UBE2W: variants seen among roughly 807,000 people sequenced by gnomAD.
UBE2W encodes the protein ubiquitin conjugating enzyme E2 W, also known as ubiquitin-conjugating enzyme E2 W.
UBE2W carries 18 observed loss-of-function variants against 27.2 expected under a neutral mutation model. The ratio of observed to expected loss-of-function variants is 0.66; its 90% CI spans 0.46 to 0.98. The LOEUF (loss-of-function observed/expected upper bound fraction) is 0.98. Ranked by LOEUF, UBE2W falls within the 50% of genes least tolerant of loss-of-function variation. The pLI, the probability that UBE2W is intolerant of heterozygous loss-of-function variation, is 0.00. For missense variants in UBE2W, 90 were observed against 180.2 expected, an observed-to-expected ratio of 0.50 and a Z score of 2.87; for synonymous variants, 53 against 57.2, an observed-to-expected ratio of 0.93 and a Z score of 0.33.
At chr8:73,823,582 G>A (rs1809710030) in intron 3 of UBE2W, among the ~76,000 whole-genome samples, 1 of 152,180 alleles carries the variant, frequency 6.6e-6, no homozygotes, top group African/African-American at 2.4e-5. Context: ...AAATGATGCT[G>A]GCCAGCCAGA....
chr8:73,872,823 C>G (rs1024961639), intron 1 of UBE2W, among the ~76,000 whole-genome samples: 1 of 151,256 alleles, frequency 6.6e-6, no homozygotes, highest in Non-Finnish European at 1.5e-5. Flanking sequence ...AAAAGAAGTT[C>G]TCATGTGTAT....
chr8:73,835,217 G>T (rs1810257157), intron 1 of UBE2W, among the ~76,000 whole-genome samples: 1 of 147,802 alleles, frequency 6.8e-6, no homozygotes, highest in African/African-American at 2.6e-5. Flanking sequence ...GAACATAATG[G>T]AAAAGGGTTC....
At chr8:73,870,119 T>C (rs891953873) in intron 1 of UBE2W, 10 of 823,526 alleles carry the variant, frequency 1.2e-5, no homozygotes, top group South Asian at 1.2e-4. Flanking sequence ...CTGTATACTT[T>C]AAAAGGGTAA....
rs376150432 is a variant in UBE2W, at chr8:73,857,255, A to C, written c.15+21553T>G. On this transcript the variant is annotated intron_variant, in intron 1 of 5. Transcript: ENST00000602593. The stretch of plus-strand genomic sequence containing the variant: ...GAGTCATCAACAAGTAGGAAAAAAA[A>C]AATCACATTTAATTCTTACAGGAAG... Among the ~76,000 whole-genome samples the C allele has an allele frequency of 1.7e-4, 26 of 152,302 alleles. No homozygotes were observed. In the South Asian group the frequency reaches 5.4e-3, roughly 32 times the overall value.
At chr8:73,852,777 C>T (rs771538216) in intron 1 of UBE2W, among the ~76,000 whole-genome samples, 1 of 152,110 alleles carries the variant, frequency 6.6e-6, no homozygotes, top group Non-Finnish European at 1.5e-5. Context: ...TGACTGATAA[C>T]GCCACCTTCA....
intron 4 of UBE2W, 57 bp downstream of exon 4, chr8:73,810,417 T>C: frequency 2.1e-6 from 3 of 1,457,968 alleles, no homozygotes; most frequent in Non-Finnish European, 1.8e-6. Context: ...ATTAAAATTA[T>C]TTATCTACCT....
rs946765218 is a variant in UBE2W, at chr8:73,789,838, AAAATAAAT to A, written c.*4256_*4263del. The A allele has an allele frequency of 2.3e-6, 2 of 864,246 alleles. No individual in the cohort carries two copies. The highest frequency in any genetic ancestry group is 1.8e-5 in the African/African-American group (1 of 54,768). 53.5% of individuals were successfully genotyped at this position (864,246 alleles called of 1,614,324 possible). ...GGTGACAGAGCAAGACTCCGTCTCA[AAAATAAAT>A]AAATAAATAAATAATAAAAATAATC... On this transcript the variant is annotated 3_prime_UTR_variant, in exon 6 of 6. Coordinates refer to ENST00000602593, the MANE Select transcript of UBE2W (RefSeq NM_018299.6).
downstream of UBE2W, among the ~76,000 whole-genome samples, chr8:73,781,562 A>C (rs1478533444): frequency 6.6e-6 from 1 of 151,388 alleles, no homozygotes; most frequent in East Asian, 1.9e-4. Context: ...GGTTATCTCA[A>C]GTATAAGTGT....
At chr8:73,831,810 G>A (rs1406258116) in intron 1 of UBE2W, 1 of 151,792 alleles carries the variant, frequency 6.6e-6, no homozygotes, top group Non-Finnish European at 1.5e-5. Flanking sequence ...CTTCCACCCT[G>A]CTTTCTCAAA....
chr8:73,846,027 T>TG (rs1810782572), intron 1 of UBE2W, among the ~76,000 whole-genome samples: 1 of 152,150 alleles, frequency 6.6e-6, no homozygotes, highest in South Asian at 2.1e-4. Flanking sequence ...GAAAGAATGG[T>TG]GGGCAGATAC....
chr8:73,824,077 T>C (rs1048283369), intron 3 of UBE2W, among the ~76,000 whole-genome samples: 1 of 152,188 alleles, frequency 6.6e-6, no homozygotes, highest in Admixed American at 6.5e-5. Flanking sequence ...TCTTACCATT[T>C]TAGCCAACGG....
At chr8:73,850,560 T>A (rs192619540) in intron 1 of UBE2W, among the ~76,000 whole-genome samples, 2 of 151,838 alleles carry the variant, frequency 1.3e-5, no homozygotes, top group Non-Finnish European at 2.9e-5. Flanking sequence ...ATGATAAAAG[T>A]CAGAAAGAAT....
chr8:73,855,394 CTTTTTTTTTT>C (rs66577299), intron 1 of UBE2W, among the ~76,000 whole-genome samples: 2 of 84,710 alleles, frequency 2.4e-5, no homozygotes, highest in Non-Finnish European at 4.3e-5. Context: ...ATTCTACTTT[CTTTTTTTTTT>C]TTTTTTTTTT....
intron 2 of UBE2W, among the ~76,000 whole-genome samples, chr8:73,827,960 C>A (rs1478608173): frequency 2.0e-5 from 3 of 152,182 alleles, no homozygotes; most frequent in Non-Finnish European, 2.9e-5. Flanking sequence ...GGGTATATTT[C>A]ATTCTAGTCA....
intron 1 of UBE2W, among the ~76,000 whole-genome samples, chr8:73,841,076 T>A (rs1168473210): frequency 6.6e-6 from 1 of 152,200 alleles, no homozygotes; most frequent in Non-Finnish European, 1.5e-5. Context: ...TGACCAAGAA[T>A]GTTTTCTCCA....
chr8:73,815,789 T>C (rs1194669895), intron 3 of UBE2W, among the ~76,000 whole-genome samples: 2 of 152,152 alleles, frequency 1.3e-5, no homozygotes, highest in Non-Finnish European at 2.9e-5. Context: ...AATATAATTA[T>C]AAAAGCCAAT....
At chr8:73,842,236 G>A (rs938361096) in intron 1 of UBE2W, among the ~76,000 whole-genome samples, 38 of 152,144 alleles carry the variant, frequency 2.5e-4, no homozygotes, top group Non-Finnish European at 5.1e-4. Context: ...CAACCGTTAA[G>A]AATGACGTGG....
At position 73,787,235 on chromosome 8, in the gene UBE2W, T is replaced by C. The variant is rs1749681615; in HGVS notation, c.*6867A>G. ...GTGGCTTTGAGCTTTGTTGTCCAAGTACACAAAACTCTTAGCTGTCTCACT... is the reference window on the plus strand; with the variant it reads ...GTGGCTTTGAGCTTTGTTGTCCAAGCACACAAAACTCTTAGCTGTCTCACT... On this transcript the variant is annotated 3_prime_UTR_variant, in exon 6 of 6. Transcript: ENST00000602593. 1.0e-6 allele frequency: 1 copy of C among 985,360 alleles called. No homozygotes were observed. Among genetic ancestry groups the C allele is most frequent in the South Asian group, 4.7e-5 (1 of 21,298 alleles). The allele number at this position is 985,360 out of a possible 1,614,324, so 61.0% of individuals were successfully genotyped here.
At chr8:73,781,858 G>T (rs1807851216), downstream of UBE2W, among the ~76,000 whole-genome samples, 1 of 150,898 alleles carries the variant, frequency 6.6e-6, no homozygotes, top group Non-Finnish European at 1.5e-5. Flanking sequence ...ATTTGATTAT[G>T]GCTGAATTTG....
Sources: gnomAD v4.1 joint callset for allele counts (sites outside exome capture counted in the v4.1 genomes callset) on GRCh38, gnomAD v4.1.1 for gene constraint, MANE v1.5 for transcripts, NCBI Gene and HGNC (gene_info 2026-07-23, HGNC 2026-07-21) for gene names.